RNF180: variants seen among roughly 807,000 people sequenced by gnomAD.
The protein encoded by RNF180 is ring finger protein 180, also known as E3 ubiquitin-protein ligase RNF180.
A neutral mutation model predicts 59.2 loss-of-function variants in RNF180; 38 were observed. That is an observed-to-expected ratio of 0.64 (90% CI 0.50 to 0.84). The LOEUF (loss-of-function observed/expected upper bound fraction) is 0.84, where lower values mean the gene tolerates loss of function less well. Ranked by LOEUF, RNF180 falls within the 40% of genes least tolerant of loss-of-function variation. The pLI is 0.00. For synonymous variants in RNF180, 262 were observed against 240.3 expected, an observed-to-expected ratio of 1.09 and a Z score of -0.84; for missense variants, 705 against 700.9, an observed-to-expected ratio of 1.01 and a Z score of -0.07.
intron 5 of RNF180, among the ~76,000 whole-genome samples, chr5:64,224,916 A>G (rs1048215589): frequency 1.3e-5 from 2 of 152,212 alleles, no homozygotes; most frequent in African/African-American, 4.8e-5. Flanking sequence ...ACCTTCTGCC[A>G]TGTGAGGATG....
chr5:64,358,716 G>C (rs1298384221), intron 7 of RNF180, among the ~76,000 whole-genome samples: 2 of 151,416 alleles, frequency 1.3e-5, no homozygotes, highest in Non-Finnish European at 2.9e-5. Flanking sequence ...ATGTATACAT[G>C]TGCCATGCTG....
Position 64,369,089 on chromosome 5 carries a change from A to C in RNF180, c.1580-526A>C, listed in dbSNP as rs1201038918. On this transcript the variant is annotated intron_variant, in intron 7 of 7. Transcript: ENST00000389100. ...TGTCCAACAATGATAGATTGGATTA[A>C]GAAAATGTGGCACATATACACCATG... Among the ~76,000 whole-genome samples, 12 of 152,210 alleles carry C rather than the reference A, an allele frequency of 7.9e-5. No individual in the cohort carries two copies. The East Asian group carries it at 2.3e-3, about 29-fold the overall frequency.
intron 1 of RNF180, among the ~76,000 whole-genome samples, chr5:64,182,077 G>A (rs1033543907): frequency 2.9e-5 from 4 of 137,930 alleles, no homozygotes; most frequent in African/African-American, 8.2e-5. Context: ...TGCAAGCTCC[G>A]CCTTCCAGGT....
At chr5:64,282,885 C>T (rs540912398) in intron 5 of RNF180, among the ~76,000 whole-genome samples, 119 of 152,172 alleles carry the variant, frequency 7.8e-4, no homozygotes, top group African/African-American at 2.8e-3. Context: ...GTTATGATTT[C>T]AGTTTCTTCA....
At chr5:64,189,620 G>A (rs569396956) in intron 1 of RNF180, among the ~76,000 whole-genome samples, 4 of 152,246 alleles carry the variant, frequency 2.6e-5, no homozygotes, top group Non-Finnish European at 4.4e-5. Flanking sequence ...TCTCCTTACC[G>A]CTTACAGTCA....
At chr5:64,169,829 C>G (rs1223630420) in intron 1 of RNF180, among the ~76,000 whole-genome samples, 1 of 152,180 alleles carries the variant, frequency 6.6e-6, no homozygotes, top group African/African-American at 2.4e-5. Flanking sequence ...TATAGCATTG[C>G]AGTAGAATCT....
In RNF180 at chr5:64,251,099, G is replaced by GA. The variant is rs1158216047; in HGVS notation, c.1227+33709dup. Among the ~76,000 whole-genome samples the GA allele has an allele frequency of 7.2e-5, 11 of 152,180 alleles. No individual in the cohort carries two copies. In the East Asian group the frequency reaches 1.3e-3, roughly 19 times the overall value. ...GATACATCATGTTAACAGAATGACA[G>GA]AAAAAACATATTCTTTTGATATAGA... is the stretch of plus-strand genomic sequence containing the variant. On this transcript the variant is annotated intron_variant, in intron 5 of 7. Transcript: ENST00000389100.
chr5:64,275,780 T>TA (rs1417320077), intron 5 of RNF180, among the ~76,000 whole-genome samples: 1 of 151,958 alleles, frequency 6.6e-6, no homozygotes, highest in Non-Finnish European at 1.5e-5. Flanking sequence ...GCCCTCCAGG[T>TA]CACTGTACTT....
At chr5:64,285,697 G>C (rs1190851867) in intron 5 of RNF180, among the ~76,000 whole-genome samples, 1 of 152,120 alleles carries the variant, frequency 6.6e-6, no homozygotes, top group Non-Finnish European at 1.5e-5. Context: ...CCAGGAGATA[G>C]AGGGTGCTCA....
At chr5:64,183,836 C>A (rs958703176) in intron 1 of RNF180, among the ~76,000 whole-genome samples, 1 of 152,274 alleles carries the variant, frequency 6.6e-6, no homozygotes, top group African/African-American at 2.4e-5. Context: ...GAAACTCAGA[C>A]TGTGTTCTTT....
At chr5:64,274,921 G>A (rs1741631241) in intron 5 of RNF180, among the ~76,000 whole-genome samples, 1 of 151,948 alleles carries the variant, frequency 6.6e-6, no homozygotes, top group Non-Finnish European at 1.5e-5. Context: ...CCTCCATATT[G>A]ACTAAAGAAT....
At chr5:64,345,213 G>A (rs932066327) in intron 7 of RNF180, among the ~76,000 whole-genome samples, 1 of 152,112 alleles carries the variant, frequency 6.6e-6, no homozygotes, top group Non-Finnish European at 1.5e-5. Context: ...TGAAATCGGG[G>A]ATCCCATACT....
intron 7 of RNF180, among the ~76,000 whole-genome samples, chr5:64,338,046 GTATTTCTAGTTCTA>G (rs1745204071): frequency 6.6e-6 from 1 of 152,088 alleles, no homozygotes; most frequent in East Asian, 1.9e-4. Flanking sequence ...GGGTCAAATG[GTATTTCTAGTTCTA>G]GATCCCTGAG....
chr5:64,279,972 A>G (rs1241260894), intron 5 of RNF180, among the ~76,000 whole-genome samples: 2 of 152,326 alleles, frequency 1.3e-5, no homozygotes, highest in East Asian at 1.9e-4. Context: ...GCACGCCTGT[A>G]GTCCCAGATA....
chr5:64,217,523 C>T, intron 5 of RNF180, 127 bp downstream of exon 5: 1 of 1,265,142 alleles, frequency 7.9e-7, no homozygotes, highest in Non-Finnish European at 1.0e-6. Flanking sequence ...CTGGTATTCT[C>T]AGTGTTTTAA....
At chr5:64,283,770 A>C (rs1389895151) in intron 5 of RNF180, among the ~76,000 whole-genome samples, 1 of 152,166 alleles carries the variant, frequency 6.6e-6, no homozygotes, top group Admixed American at 6.5e-5. Context: ...CGGAACTGTA[A>C]GTTAATTAAA....
At position 64,212,137 on chromosome 5, in the gene RNF180, T is replaced by TG. The variant is rs762200071; in HGVS notation, c.210dup (p.Ile71AspfsTer28). 5.0e-6 allele frequency: 8 copies of TG among 1,596,784 alleles called. No homozygotes were observed. The South Asian group carries it at 8.8e-5, about 18-fold the overall frequency. On this transcript the variant is annotated frameshift_variant, in exon 3 of 8. Coordinates refer to ENST00000389100, the MANE Select transcript of RNF180 (RefSeq NM_001113561.2). LOFTEE classifies it high-confidence loss of function. ...CATGAATGTAGAAGCCCTTCCAGAA[T>TG]GGATAAGCTGCCTAATCCAAAAAGT...
intron 2 of RNF180, among the ~76,000 whole-genome samples, chr5:64,208,999 G>A (rs575483853): frequency 2.8e-4 from 43 of 151,774 alleles, no homozygotes; most frequent in Non-Finnish European, 5.0e-4. Context: ...TTTTATAAGC[G>A]TTAGAGAAGA....
intron 5 of RNF180, among the ~76,000 whole-genome samples, chr5:64,309,060 CAA>C (rs911771453): frequency 1.3e-5 from 2 of 151,626 alleles, no homozygotes; most frequent in African/African-American, 4.8e-5. Flanking sequence ...TCCACGTAAT[CAA>C]AAAGTCTATT....
Sources: gnomAD v4.1 joint callset for allele counts (sites outside exome capture counted in the v4.1 genomes callset) on GRCh38, gnomAD v4.1.1 for gene constraint, MANE v1.5 for transcripts, NCBI Gene and HGNC (gene_info 2026-07-23, HGNC 2026-07-21) for gene names.